Variants in PDE1C observed in about 807,000 individuals in gnomAD.
PDE1C encodes the protein phosphodiesterase 1C.
A neutral mutation model predicts 93.1 loss-of-function variants in PDE1C; 62 were observed. The ratio of observed to expected loss-of-function variants is 0.67; its 90% confidence interval spans 0.54 to 0.82. PDE1C has a LOEUF of 0.82. Ranked by LOEUF, PDE1C falls within the 40% of genes least tolerant of loss-of-function variation. The pLI, the probability that PDE1C is intolerant of heterozygous loss-of-function variation, is 0.00. For synonymous variants in PDE1C, 325 were observed against 310.1 expected (o/e 1.05, Z -0.50); for missense variants, 742 against 884.6 (o/e 0.84, Z 2.04).
At chr7:32,091,834 G>T (rs73100611) in intron 3 of PDE1C, among the ~76,000 whole-genome samples, 85,856 of 151,970 alleles carry the variant, frequency 0.56, 24,508 homozygotes, top group South Asian at 0.67. Flanking sequence ...TGTGGCTGCT[G>T]GGTTGAGAAT....
intron 1 of PDE1C, among the ~76,000 whole-genome samples, chr7:32,367,565 C>T (rs755486847): frequency 1.6e-4 from 25 of 152,270 alleles, no homozygotes; most frequent in Non-Finnish European, 2.2e-4. Context: ...AGATGAAAAA[C>T]GATATTCCAG....
At chr7:31,697,843 T>A in the PDE1C span, among the ~76,000 whole-genome samples, 1 of 152,232 alleles carries the variant, frequency 6.6e-6, no homozygotes, top group Non-Finnish European at 1.5e-5. Flanking sequence ...ACTAATATAA[T>A]AGAGAGGCTA....
At chr7:32,183,333 G>A (rs1008528502) in intron 2 of PDE1C, among the ~76,000 whole-genome samples, 11 of 152,072 alleles carry the variant, frequency 7.2e-5, no homozygotes, top group East Asian at 1.9e-4. Context: ...AAAAGAGCCC[G>A]CATTGCCAAG....
chr7:31,784,441 C>G (rs1223475519), intron 16 of PDE1C: 1 of 152,186 alleles, frequency 6.6e-6, no homozygotes, highest in African/African-American at 2.4e-5. Context: ...GCCTCCCCAT[C>G]TATCCCCAGC....
At position 32,186,087 on chromosome 7, in the gene PDE1C, G is replaced by GTTTTTTTT. The variant is rs10561469; in HGVS notation, c.137-16139_137-16132dup. Among the ~76,000 whole-genome samples the GTTTTTTTT allele has an allele frequency of 2.4e-3, 314 of 128,548 alleles. 3 individuals carry two copies. The highest frequency in any genetic ancestry group is 3.7e-3 in the Non-Finnish European group (224 of 60,436). The allele number at this position is 128,548 out of a possible 152,430, so 84.3% of individuals were successfully genotyped here. A position where few individuals can be genotyped will look rare whatever the true frequency, so the allele number is the denominator to read the frequency against. The stretch of plus-strand genomic sequence containing the variant: ...ACTTTTTTCCCTAATTTGTTTTTTT[G>GTTTTTTTT]TTTTTTTTTTTTTTTTTTTTTTTTT... On this transcript the variant is annotated intron_variant, in intron 2 of 18. Transcript: ENST00000396193.
At chr7:31,745,644 C>A in the PDE1C span, among the ~76,000 whole-genome samples, 118 of 152,126 alleles carry the variant, frequency 7.8e-4, no homozygotes, top group Non-Finnish European at 1.4e-3. Flanking sequence ...AGGCAAAAGG[C>A]AAGTAAAAGA....
intron 1 of PDE1C, among the ~76,000 whole-genome samples, chr7:32,309,152 A>G (rs1216198617): frequency 6.6e-6 from 1 of 152,260 alleles, no homozygotes; most frequent in Non-Finnish European, 1.5e-5. Context: ...GATATCAGTG[A>G]TGGAAGACGA....
chr7:31,810,737 T>C (rs1787441422), intron 15 of PDE1C, among the ~76,000 whole-genome samples: 1 of 152,140 alleles, frequency 6.6e-6, no homozygotes, highest in African/African-American at 2.4e-5. Context: ...ATCTCCCTCT[T>C]GGCATAACTG....
At chr7:31,846,756 A>C (rs1792671489) in intron 9 of PDE1C, among the ~76,000 whole-genome samples, 1 of 152,108 alleles carries the variant, frequency 6.6e-6, no homozygotes, top group Non-Finnish European at 1.5e-5. Context: ...CCAATAGTAA[A>C]ATTGGATAGA....
rs757221435 is a variant in PDE1C, at chr7:32,169,803, A to T, written c.290T>A (p.Leu97Ter). ...ACCAAACCTGAAGGATGTCTTCACC[A>T]AGACTTCTGGGCTATCCAGCTGTGG... The change falls in exon 3 of 19, where the codon TTG (leucine) becomes TAG (stop). Residue 97 changes from leucine (L) to a stop codon, truncating the protein, a stop_gained. Coordinates refer to the PDE1C transcript ENST00000396193. LOFTEE classifies it high-confidence loss of function. 1 of 1,612,588 alleles carries T rather than the reference A, an allele frequency of 6.2e-7. No homozygotes were observed. The highest frequency in any genetic ancestry group is 8.5e-7 in the Non-Finnish European group (1 of 1,179,646).
At chr7:32,082,872 C>A (rs1355142351) in intron 3 of PDE1C, among the ~76,000 whole-genome samples, 1 of 151,446 alleles carries the variant, frequency 6.6e-6, no homozygotes, top group African/African-American at 2.4e-5. Flanking sequence ...TCATCAAAGA[C>A]CAAAAGTAGA....
intron 2 of PDE1C, among the ~76,000 whole-genome samples, chr7:31,975,469 C>T (rs993646497): frequency 1.3e-5 from 2 of 151,924 alleles, no homozygotes; most frequent in African/African-American, 4.8e-5. Flanking sequence ...GGTGACACAC[C>T]AAGGATGGGA....
chr7:32,261,065 G>A (rs1185259556), intron 1 of PDE1C, among the ~76,000 whole-genome samples: 2 of 151,940 alleles, frequency 1.3e-5, no homozygotes, highest in Admixed American at 1.3e-4. Flanking sequence ...AGCTGAGATC[G>A]CACCACTGCT....
intron 2 of PDE1C, among the ~76,000 whole-genome samples, chr7:31,930,848 C>CAAAAAAAAAAAAAAAAA (rs56394903): frequency 1.2e-4 from 4 of 32,642 alleles, no homozygotes; most frequent in African/African-American, 1.7e-4. Context: ...GACTCTGTCT[C>CAAAAAAAAAAAAAAAAA]AAAAAAAAAA....
chr7:31,838,190 T>A (rs1451907358), intron 9 of PDE1C, among the ~76,000 whole-genome samples: 3 of 152,160 alleles, frequency 2.0e-5, no homozygotes, highest in Non-Finnish European at 4.4e-5. Context: ...AATACACATA[T>A]CATTTGGAAA....
intron 3 of PDE1C, among the ~76,000 whole-genome samples, chr7:32,136,858 T>C (rs1227364744): frequency 2.0e-5 from 3 of 152,324 alleles, no homozygotes; most frequent in Admixed American, 1.3e-4. Flanking sequence ...AAAAATTATC[T>C]TCATCTGAAA....
At chr7:32,363,962 T>C (rs1362748066) in intron 1 of PDE1C, among the ~76,000 whole-genome samples, 1 of 152,222 alleles carries the variant, frequency 6.6e-6, no homozygotes, top group Non-Finnish European at 1.5e-5. Flanking sequence ...GCTGATATCA[T>C]TGTCATTTTA....
At chr7:32,392,011 A>AG (rs1474564740) in intron 1 of PDE1C, among the ~76,000 whole-genome samples, 2 of 152,072 alleles carry the variant, frequency 1.3e-5, no homozygotes, top group African/African-American at 2.4e-5. Context: ...AAGATAGAAA[A>AG]GCAATAAAGA....
chr7:31,848,237 G>T, intron 8 of PDE1C, 141 bp from the exon 9 acceptor site: 1 of 721,276 alleles, frequency 1.4e-6, no homozygotes, highest in Non-Finnish European at 2.3e-6. Flanking sequence ...TGAACCAAAA[G>T]CTCAACTAAC....
Sources: allele counts gnomAD v4.1 joint callset (sites outside exome capture counted in the v4.1 genomes callset), GRCh38; gene constraint gnomAD v4.1.1; transcripts MANE v1.5; gene names NCBI Gene and HGNC (gene_info 2026-07-23, HGNC 2026-07-21).